Variants in LUZP2 observed in about 807,000 individuals in gnomAD.
The protein encoded by LUZP2 is leucine zipper protein 2.
Under a neutral mutation model 51.6 loss-of-function variants are expected in LUZP2, and 52 were observed. The ratio of observed to expected loss-of-function variants is 1.01; its 90% confidence interval spans 0.81 to 1.27. The LOEUF is 1.27. LUZP2 is among the 50% of genes most tolerant of loss of function. LUZP2 has a pLI of 0.00. For synonymous variants in LUZP2, 154 were observed against 137.3 expected (o/e 1.12, Z -0.85); for missense variants, 436 against 395.4 (o/e 1.10, Z -0.87).
intron 1 of LUZP2, among the ~76,000 whole-genome samples, chr11:24,546,069 T>A (rs1851530895): frequency 6.6e-6 from 1 of 152,092 alleles, no homozygotes; most frequent in Non-Finnish European, 1.5e-5. Context: ...GCATTCATGA[T>A]TTGGCTCTTG....
intron 10 of LUZP2, among the ~76,000 whole-genome samples, chr11:25,050,348 C>CTGGA (rs1858460711): frequency 8.2e-6 from 1 of 121,552 alleles, no homozygotes; most frequent in South Asian, 2.7e-4. Context: ...GTCGCCCAGG[C>CTGGA]TGGAGTGCAG....
chr11:24,845,771 A>C (rs1236071408), intron 5 of LUZP2, among the ~76,000 whole-genome samples: 1 of 151,944 alleles, frequency 6.6e-6, no homozygotes, highest in Admixed American at 6.6e-5. Flanking sequence ...GCCGCCATTC[A>C]TGTAAGACAT....
At chr11:24,989,870 T>C (rs993838467) in intron 9 of LUZP2, among the ~76,000 whole-genome samples, 5 of 152,130 alleles carry the variant, frequency 3.3e-5, no homozygotes, top group South Asian at 2.1e-4. Flanking sequence ...TAAAATCAGG[T>C]TGTTTTTTTT....
intron 6 of LUZP2, among the ~76,000 whole-genome samples, chr11:24,910,802 G>T (rs1853607296): frequency 6.6e-6 from 1 of 152,140 alleles, no homozygotes; most frequent in Non-Finnish European, 1.5e-5. Context: ...CTGCCTAGTG[G>T]AGCTGTGAGA....
Position 24,860,271 on chromosome 11 carries a change from A to G in LUZP2, c.397-45720A>G, listed in dbSNP as rs543865569. ...CAGGAACTCGAGTAACCCCAGGCAG[A>G]GGCTCAGCGACAGAATCTGATCTCC... On this transcript the variant is annotated intron_variant, in intron 5 of 11. Coordinates refer to ENST00000336930, the MANE Select transcript of LUZP2 (RefSeq NM_001009909.4). 4.6e-5 allele frequency among the ~76,000 whole-genome samples: 7 copies of G among 152,244 alleles called. No individual in the cohort carries two copies. The South Asian group carries it at 1.5e-3, about 32-fold the overall frequency.
chr11:24,870,623 A>G (rs1852039704), intron 5 of LUZP2, among the ~76,000 whole-genome samples: 1 of 152,258 alleles, frequency 6.6e-6, no homozygotes, highest in South Asian at 2.1e-4. Context: ...GAAACTTGCA[A>G]TAAATCCTCC....
chr11:24,528,878 T>A (rs1212030615), intron 1 of LUZP2, among the ~76,000 whole-genome samples: 1 of 151,216 alleles, frequency 6.6e-6, no homozygotes, highest in Non-Finnish European at 1.5e-5. Context: ...AAGATAGAAG[T>A]GTTATCTCAT....
chr11:24,769,149 C>A (rs1860304654), intron 5 of LUZP2, among the ~76,000 whole-genome samples: 1 of 152,104 alleles, frequency 6.6e-6, no homozygotes. Flanking sequence ...AGGACAAATA[C>A]TGCATGATGT....
At chr11:24,961,194 G>A (rs1855388458) in intron 7 of LUZP2, among the ~76,000 whole-genome samples, 1 of 152,112 alleles carries the variant, frequency 6.6e-6, no homozygotes, top group South Asian at 2.1e-4. Context: ...GAATAGGTGT[G>A]GTGTGGTGCT....
chr11:24,815,614 T>C (rs902040940), intron 5 of LUZP2, among the ~76,000 whole-genome samples: 15 of 152,168 alleles, frequency 9.9e-5, no homozygotes, highest in African/African-American at 3.6e-4. Context: ...TTTAGCCCCT[T>C]AAAGCAGTAG....
At chr11:24,961,227 A>C (rs1855389798) in intron 7 of LUZP2, among the ~76,000 whole-genome samples, 1 of 152,104 alleles carries the variant, frequency 6.6e-6, no homozygotes, top group Non-Finnish European at 1.5e-5. Flanking sequence ...TATTCTGTTG[A>C]TTTGGGGTGG....
chr11:25,024,591 G>A (rs1272953982), intron 9 of LUZP2, among the ~76,000 whole-genome samples: 2 of 152,076 alleles, frequency 1.3e-5, no homozygotes, highest in African/African-American at 2.4e-5. Flanking sequence ...AACTTACAAA[G>A]GATGTGAAGG....
intron 1 of LUZP2, among the ~76,000 whole-genome samples, chr11:24,517,531 A>C (rs921321078): frequency 6.7e-6 from 1 of 148,418 alleles, no homozygotes; most frequent in Non-Finnish European, 1.5e-5. Flanking sequence ...TACATATTAA[A>C]TTTTATGTAA....
intron 10 of LUZP2, among the ~76,000 whole-genome samples, chr11:25,056,235 T>A (rs1024998579): frequency 6.6e-6 from 1 of 152,092 alleles, no homozygotes. Context: ...GAACTCTTAA[T>A]GAAAAGTATC....
chr11:24,904,450 T>C (rs77592591), intron 5 of LUZP2, among the ~76,000 whole-genome samples: 2 of 151,930 alleles, frequency 1.3e-5, no homozygotes, highest in Admixed American at 1.3e-4. Context: ...GCCCGGCTAA[T>C]TTTTTTGTAT....
chr11:24,871,283 G>A (rs535970420), intron 5 of LUZP2, among the ~76,000 whole-genome samples: 1 of 152,010 alleles, frequency 6.6e-6, no homozygotes, highest in East Asian at 1.9e-4. Context: ...CACTAATGAA[G>A]TTGTCAACCA....
chr11:25,051,247 A>G (rs949919971), intron 10 of LUZP2, among the ~76,000 whole-genome samples: 2 of 151,774 alleles, frequency 1.3e-5, no homozygotes, highest in African/African-American at 2.4e-5. Context: ...AACCCGGGAG[A>G]TGGAGCTTGC....
intron 7 of LUZP2, among the ~76,000 whole-genome samples, chr11:24,938,652 T>A (rs994161355): frequency 6.6e-6 from 1 of 152,322 alleles, no homozygotes; most frequent in South Asian, 2.1e-4. Context: ...GTATTAAATT[T>A]GTTTTTAATT....
chr11:24,590,905 C>T (rs1020691321), intron 1 of LUZP2, among the ~76,000 whole-genome samples: 10 of 152,054 alleles, frequency 6.6e-5, no homozygotes, highest in African/African-American at 2.2e-4. Flanking sequence ...AAATATTAAA[C>T]GTAACTATTT....
Sources: gnomAD v4.1 joint callset for allele counts (sites outside exome capture counted in the v4.1 genomes callset) on GRCh38, gnomAD v4.1.1 for gene constraint, MANE v1.5 for transcripts, NCBI Gene and HGNC (gene_info 2026-07-23, HGNC 2026-07-21) for gene names.